ANO1: variants seen among roughly 807,000 people sequenced by gnomAD.
ANO1 encodes the protein anoctamin 1.
In ANO1, 59 loss-of-function variants were observed where a neutral mutation model predicts 124.0. The ratio of observed to expected loss-of-function variants is 0.48; its 90% CI spans 0.39 to 0.59. ANO1 has a LOEUF of 0.59. Ranked by LOEUF, ANO1 falls within the 20% of genes least tolerant of loss-of-function variation. ANO1 has a pLI of 0.00. For synonymous variants in ANO1, 529 were observed against 532.0 expected, an observed-to-expected ratio of 0.99 and a Z score of 0.08; for missense variants, 1,059 against 1,328.0, an observed-to-expected ratio of 0.80 and a Z score of 3.15.
chr11:70,014,001 CAGAG>C (rs59053874), intron 1 of ANO1, among the ~76,000 whole-genome samples: 1 of 140,764 alleles, frequency 7.1e-6, no homozygotes, highest in African/African-American at 3.1e-5. Context: ...TGTGCACGGA[CAGAG>C]AGAGAGAGAG....
chr11:70,050,182 T>G (rs1352315728), intron 1 of ANO1, among the ~76,000 whole-genome samples: 1 of 152,174 alleles, frequency 6.6e-6, no homozygotes, highest in African/African-American at 2.4e-5. Flanking sequence ...TGTATCCTAT[T>G]CGGGGTGCAA....
intron 1 of ANO1, among the ~76,000 whole-genome samples, chr11:69,987,893 G>C (rs1565154727): frequency 1.3e-5 from 2 of 152,168 alleles, no homozygotes; most frequent in Non-Finnish European, 2.9e-5. Flanking sequence ...CTGTAATCAT[G>C]GATGGATGAC....
chr11:70,036,066 G>A (rs912142450), intron 1 of ANO1, among the ~76,000 whole-genome samples: 10 of 152,124 alleles, frequency 6.6e-5, no homozygotes, highest in African/African-American at 2.2e-4. Flanking sequence ...TGAGACTGTT[G>A]TAACAAACCA....
At chr11:70,026,876 T>C (rs1555003295) in intron 1 of ANO1, among the ~76,000 whole-genome samples, 1 of 152,190 alleles carries the variant, frequency 6.6e-6, no homozygotes, top group Non-Finnish European at 1.5e-5. Context: ...CCACCCACAC[T>C]GGCCACCTTA....
chr11:70,118,418 T>C lies in ANO1; in HGVS notation c.897+1919T>C, dbSNP rs2135442726. The stretch of plus-strand genomic sequence containing the variant: ...TACCTGGAATGATTCCCACTCCCCA[T>C]GTAATTTTAGGTCCCAGCAGTGGAT... On this transcript the variant is annotated intron_variant, in intron 8 of 25. Coordinates refer to ENST00000355303, the MANE Select transcript of ANO1 (RefSeq NM_018043.7). Among the ~76,000 whole-genome samples the C allele has an allele frequency of 2.0e-5, 3 of 152,222 alleles. No homozygotes were observed. In the South Asian group the frequency reaches 6.2e-4, roughly 32 times the overall value.
the ANO1 span, among the ~76,000 whole-genome samples, chr11:69,972,362 C>T: frequency 6.6e-6 from 1 of 152,030 alleles, no homozygotes; most frequent in Non-Finnish European, 1.5e-5. Context: ...CGAGGACACA[C>T]TTTTCAGTCC....
the ANO1 span, among the ~76,000 whole-genome samples, chr11:69,971,568 C>T: frequency 6.6e-6 from 1 of 151,746 alleles, no homozygotes; most frequent in Non-Finnish European, 1.5e-5. Flanking sequence ...ACTCCTCCTC[C>T]TCCTCCCTTC....
chr11:70,049,823 C>T (rs138434204), intron 1 of ANO1, among the ~76,000 whole-genome samples: 6,866 of 152,200 alleles, frequency 0.045, 297 homozygotes, highest in Admixed American at 0.12. Context: ...CTGGTTCAAG[C>T]GACTCTCCTG....
chr11:70,009,090 C>T (rs2120354285), intron 1 of ANO1, among the ~76,000 whole-genome samples: 1 of 152,338 alleles, frequency 6.6e-6, no homozygotes, highest in South Asian at 2.1e-4. Flanking sequence ...CATTCCTGGT[C>T]ATCTGGAGAC....
intron 1 of ANO1, among the ~76,000 whole-genome samples, chr11:70,052,301 T>C (rs1555006326): frequency 6.6e-6 from 1 of 152,246 alleles, no homozygotes; most frequent in Admixed American, 6.5e-5. Context: ...CACACTGTTA[T>C]AACTATTGTT....
intron 21 of ANO1, among the ~76,000 whole-genome samples, chr11:70,170,599 A>G (rs2048423652): frequency 6.6e-6 from 1 of 152,206 alleles, no homozygotes; most frequent in African/African-American, 2.4e-5. Flanking sequence ...ACAAAAGATT[A>G]GCCATAGATA....
intron 2 of ANO1, among the ~76,000 whole-genome samples, chr11:70,095,295 GGAAGGAAAGAAAGAAA>G (rs1565193270): frequency 1.4e-5 from 1 of 71,006 alleles, no homozygotes; most frequent in African/African-American, 6.2e-5. Flanking sequence ...AAGGAAGGAA[GGAAGGAAAGAAAGAAA>G]GAAAGAAAGG....
rs1182930295 is a variant in ANO1 at position 70,072,281 on chromosome 11, C to T, written c.59-6261C>T. 8.4e-4 allele frequency among the ~76,000 whole-genome samples: 128 copies of T among 152,088 alleles called. 2 individuals are homozygous for T. The highest frequency in any genetic ancestry group is 1.9e-4 in the Non-Finnish European group (13 of 68,016). ...GCCAATGGTTGTCACACACAGTATCCCCCCAAGAGAAACCTGCAGCCCAGC... is the reference window on the plus strand; with the variant it reads ...GCCAATGGTTGTCACACACAGTATCTCCCCAAGAGAAACCTGCAGCCCAGC... On this transcript the variant is annotated intron_variant, in intron 1 of 27. Coordinates refer to the ANO1 transcript ENST00000531349.
In ANO1 at chr11:70,166,040, C is replaced by T. The variant is rs1006904302; in HGVS notation, c.2051+470C>T. 4.0e-5 allele frequency among the ~76,000 whole-genome samples: 6 copies of T among 151,298 alleles called. 1 individual carries two copies. In the South Asian group the frequency reaches 6.3e-4, roughly 16 times the overall value. ...GTTTTAAAAAATAAAAACAGGGCCG[C>T]GCACAGTGGCTCATAAACTGTAATC... On this transcript the variant is annotated intron_variant, in intron 20 of 25. Coordinates refer to ENST00000355303, the MANE Select transcript of ANO1 (RefSeq NM_018043.7).
chr11:70,052,439 C>A (rs879973086), intron 1 of ANO1, among the ~76,000 whole-genome samples: 9 of 150,712 alleles, frequency 6.0e-5, no homozygotes, highest in Admixed American at 2.6e-4. Context: ...TACACAGACA[C>A]ACACACATAC....
At chr11:70,084,591 A>T (rs2044303300) in intron 1 of ANO1, among the ~76,000 whole-genome samples, 1 of 152,130 alleles carries the variant, frequency 6.6e-6, no homozygotes, top group South Asian at 2.1e-4. Context: ...GAGAGGGGCC[A>T]AGCCTAGATG....
chr11:70,066,676 G>A (rs1458835245), intron 1 of ANO1, among the ~76,000 whole-genome samples: 7 of 152,142 alleles, frequency 4.6e-5, no homozygotes, highest in African/African-American at 1.7e-4. Flanking sequence ...CCTGAATGAC[G>A]GCACAGCAGA....
At chr11:70,100,990 C>G (rs1396393613) in intron 2 of ANO1, among the ~76,000 whole-genome samples, 2 of 152,166 alleles carry the variant, frequency 1.3e-5, no homozygotes, top group Non-Finnish European at 2.9e-5. Flanking sequence ...GTGGACGCAG[C>G]CGGGGGCCTC....
At chr11:70,016,601 T>C (rs529639424) in intron 1 of ANO1, among the ~76,000 whole-genome samples, 3 of 152,180 alleles carry the variant, frequency 2.0e-5, no homozygotes, top group Admixed American at 1.3e-4. Flanking sequence ...GGGGCTCCGC[T>C]CTGCCACCGT....
Sources: gnomAD v4.1 joint callset for allele counts (sites outside exome capture counted in the v4.1 genomes callset) on GRCh38, gnomAD v4.1.1 for gene constraint, MANE v1.5 for transcripts, NCBI Gene and HGNC (gene_info 2026-07-23, HGNC 2026-07-21) for gene names.